POU2AF1: variants seen among roughly 807,000 people sequenced by gnomAD.
The protein encoded by POU2AF1 is POU class 2 homeobox associating factor 1.
A neutral mutation model predicts 26.3 loss-of-function variants in POU2AF1; 12 were observed. That is an observed-to-expected ratio of 0.46 (90% CI 0.29 to 0.74). The LOEUF (loss-of-function observed/expected upper bound fraction) is 0.74. Among genes scored for constraint, POU2AF1 ranks in the 30% least tolerant of loss-of-function variants. The pLI, the probability that POU2AF1 is intolerant of heterozygous loss-of-function variation, is 0.09. For synonymous variants in POU2AF1, 175 were observed against 148.0 expected (o/e 1.18, Z -1.32); for missense variants, 297 against 334.5 (o/e 0.89, Z 0.87).
chr11:111,374,382 C>G (rs927207214), intron 1 of POU2AF1, among the ~76,000 whole-genome samples: 1 of 152,186 alleles, frequency 6.6e-6, no homozygotes, highest in Non-Finnish European at 1.5e-5. Context: ...CTTTTGGATT[C>G]TACTTGCCCT....
chr11:111,371,352 C>A lies in POU2AF1; in HGVS notation c.16+7810G>T, dbSNP rs549542480. 2.6e-5 allele frequency among the ~76,000 whole-genome samples: 4 copies of A among 152,226 alleles called. No homozygotes were observed. In the East Asian group the frequency reaches 7.7e-4, roughly 29 times the overall value. ...ACATTGTTGTTTCAGTTTTCGGTATCTATTTCTTGCATATTTCAAGTGTCA... is the reference window on the plus strand; with the variant it reads ...ACATTGTTGTTTCAGTTTTCGGTATATATTTCTTGCATATTTCAAGTGTCA... On this transcript the variant is annotated intron_variant, in intron 1 of 4. Transcript: ENST00000393067.
intron 1 of POU2AF1, among the ~76,000 whole-genome samples, chr11:111,366,791 T>G (rs1861113659): frequency 6.6e-6 from 1 of 152,094 alleles, no homozygotes; most frequent in Non-Finnish European, 1.5e-5. Context: ...AGAGGGTTTT[T>G]CAGTCTTAGA....
chr11:111,354,256 C>T lies in POU2AF1; in HGVS notation c.*5G>A. 3 of 1,613,784 alleles carry T rather than the reference C, an allele frequency of 1.9e-6. No homozygotes were observed. The East Asian group carries it at 6.7e-5, about 36-fold the overall frequency. On this transcript the variant is annotated 3_prime_UTR_variant, in exon 5 of 5. Coordinates refer to ENST00000393067, the MANE Select transcript of POU2AF1 (RefSeq NM_006235.3). ...CAGGGAACAGGACTCAGGTGGGAGC[C>T]ACGCCTAAAAGCCTTCCACAGAGAG...
intron 1 of POU2AF1, among the ~76,000 whole-genome samples, chr11:111,372,604 C>T (rs1861234770): frequency 6.6e-6 from 1 of 152,204 alleles, no homozygotes; most frequent in Admixed American, 6.5e-5. Context: ...GATTCAGTTT[C>T]CTCATCTATA....
At chr11:111,378,228 T>C (rs1185135109) in intron 1 of POU2AF1, among the ~76,000 whole-genome samples, 1 of 152,214 alleles carries the variant, frequency 6.6e-6, no homozygotes, top group East Asian at 1.9e-4. Context: ...TTCTCTTATA[T>C]TAAGCTTGCT....
rs1591190591 is a variant in POU2AF1, at chr11:111,357,636, A to G, written c.265T>C (p.Ser89Pro). The G allele has an allele frequency of 6.2e-7, 1 of 1,613,710 alleles. No homozygotes were observed. Among genetic ancestry groups the G allele is most frequent in the Non-Finnish European group, 8.5e-7 (1 of 1,179,874 alleles). ...EEAALCAGWLSQPTPATLQPL... is the reference protein window; with the variant it reads ...EEAALCAGWLPQPTPATLQPL... ...TGCAGGGTGGCCGGGGTGGGCTGGG[A>G]GAGCCAGCCGGCACACAGGGCAGCC... is the stretch of plus-strand genomic sequence containing the variant. Residue 89 changes from serine to proline, a missense_variant, in exon 4 of 5, where the codon TCC (serine) becomes CCC (proline). Transcript: ENST00000393067.
chr11:111,373,225 C>T (rs898159104), intron 1 of POU2AF1, among the ~76,000 whole-genome samples: 6 of 152,192 alleles, frequency 3.9e-5, no homozygotes, highest in African/African-American at 1.4e-4. Context: ...TTCTCCATTC[C>T]CCAGAGATGT....
At position 111,358,774 on chromosome 11, in the gene POU2AF1, A is replaced by G; in HGVS notation, c.147+14T>C. On this transcript the variant is annotated intron_variant, in intron 2 of 4. Transcript: ENST00000393067. ...CACACACACACTCACACTCTCACAC[A>G]CACAAACTCTCACCGCCGTAGGTGC... The G allele has an allele frequency of 6.4e-7, 1 of 1,568,730 alleles. No individual in the cohort carries two copies. The highest frequency in any genetic ancestry group is 8.6e-7 in the Non-Finnish European group (1 of 1,161,472).
At chr11:111,374,057 TAA>T (rs1282617935) in intron 1 of POU2AF1, among the ~76,000 whole-genome samples, 2 of 150,788 alleles carry the variant, frequency 1.3e-5, no homozygotes, top group Non-Finnish European at 3.0e-5. Flanking sequence ...CAAATATTTA[TAA>T]GACTTCTTTA....
At chr11:111,376,061 T>C (rs1334317090) in intron 1 of POU2AF1, among the ~76,000 whole-genome samples, 1 of 152,202 alleles carries the variant, frequency 6.6e-6, no homozygotes, top group Non-Finnish European at 1.5e-5. Context: ...TGGAAAAGAA[T>C]ATATGAATTT....
chr11:111,366,863 T>G (rs998830366), intron 1 of POU2AF1, among the ~76,000 whole-genome samples: 1 of 152,100 alleles, frequency 6.6e-6, no homozygotes. Context: ...ACAGAGGTCA[T>G]AGCCAACAGG....
At chr11:111,378,693 G>A (rs541844044) in intron 1 of POU2AF1, among the ~76,000 whole-genome samples, 6 of 152,252 alleles carry the variant, frequency 3.9e-5, no homozygotes, top group African/African-American at 1.4e-4. Context: ...GTCACACCTG[G>A]CAGAAAGCTA....
intron 1 of POU2AF1, among the ~76,000 whole-genome samples, chr11:111,366,868 A>T (rs1393939195): frequency 6.6e-6 from 1 of 152,164 alleles, no homozygotes; most frequent in Non-Finnish European, 1.5e-5. Flanking sequence ...GGTCATAGCC[A>T]ACAGGAAATG....
intron 1 of POU2AF1, among the ~76,000 whole-genome samples, chr11:111,378,799 C>T (rs1861362136): frequency 2.0e-5 from 3 of 152,234 alleles, no homozygotes; most frequent in Admixed American, 1.3e-4. Flanking sequence ...AACTGCATGG[C>T]TTTTCCCTCC....
rs571050783 is a variant in POU2AF1, at chr11:111,361,724, A to G, written c.17-2806T>C. The stretch of plus-strand genomic sequence containing the variant: ...CCTTCTAATGAAACTCACATTTCTT[A>G]GTCCATTTACAGCTGTCTCATCTAT... On this transcript the variant is annotated intron_variant, in intron 1 of 4. Coordinates refer to ENST00000393067, the MANE Select transcript of POU2AF1 (RefSeq NM_006235.3). 5.9e-5 allele frequency among the ~76,000 whole-genome samples: 9 copies of G among 152,332 alleles called. No individual in the cohort carries two copies. In the South Asian group the frequency reaches 1.9e-3, roughly 32 times the overall value.
rs947488292 is a variant in POU2AF1 at position 111,353,213 on chromosome 11, C to A, written c.*1048G>T. 3 of 233,024 alleles carry A rather than the reference C, an allele frequency of 1.3e-5. No individual in the cohort carries two copies. Among genetic ancestry groups the A allele is most frequent in the Non-Finnish European group, 2.5e-5 (3 of 117,958 alleles). The allele number at this position is 233,024 out of a possible 1,614,324, so 14.4% of individuals were successfully genotyped here. A position where few individuals can be genotyped will look rare whatever the true frequency, so the allele number is the denominator to read the frequency against. On this transcript the variant is annotated 3_prime_UTR_variant, in exon 5 of 5. Coordinates refer to ENST00000393067, the MANE Select transcript of POU2AF1 (RefSeq NM_006235.3). Reference sequence around the variant, plus strand: ...CTTCACCCTGTTTACAACAGCCCAACTTCCCTTGCACGTATCCTCAAGGAG... The same window carrying A: ...CTTCACCCTGTTTACAACAGCCCAAATTCCCTTGCACGTATCCTCAAGGAG...
chr11:111,366,800 G>A (rs543417048), intron 1 of POU2AF1, among the ~76,000 whole-genome samples: 10 of 152,232 alleles, frequency 6.6e-5, no homozygotes, highest in African/African-American at 2.4e-4. Flanking sequence ...TTCAGTCTTA[G>A]AGCCACAGAG....
At chr11:111,357,761 C>T in intron 3 of POU2AF1, 34 bp downstream of exon 3, 1 of 1,612,536 alleles carries the variant, frequency 6.2e-7, no homozygotes, top group Non-Finnish European at 8.5e-7. Context: ...AGATGAGAGG[C>T]CTGGGGGCCA....
At position 111,354,568 on chromosome 11, in the gene POU2AF1, C is replaced by T; in HGVS notation, c.464G>A (p.Ser155Asn). 5 of 1,522,702 alleles carry T rather than the reference C, an allele frequency of 3.3e-6. No individual in the cohort carries two copies. The highest frequency in any genetic ancestry group is 1.3e-5 in the South Asian group (1 of 74,730). 94.3% of individuals were successfully genotyped at this position (1,522,702 alleles called of 1,614,324 possible). A position where few individuals can be genotyped will look rare whatever the true frequency, so the allele number is the denominator to read the frequency against. The change falls in exon 5 of 5, where the codon AGC becomes AAC. Residue 155 changes from serine to asparagine, a missense_variant. Physicochemically the swap from Ser to Asn is conservative, Grantham distance 46. Transcript: ENST00000393067. ...GGGCCCCACTGCGGGCGTGGCGGAG[C>T]TTCTTGTCTGTGACAGGAAAACACG... ...PPLITNVTTR[S>N]SATPAVGPPL... is the part of the protein sequence containing the mutation.
Sources: allele counts gnomAD v4.1 joint callset (sites outside exome capture counted in the v4.1 genomes callset), GRCh38; gene constraint gnomAD v4.1.1; transcripts MANE v1.5; gene names NCBI Gene and HGNC (gene_info 2026-07-23, HGNC 2026-07-21).